Variants in CASKIN2 observed in about 807,000 individuals in gnomAD.
The protein encoded by CASKIN2 is CASK interacting protein 2, also known as caskin-2.
Under a neutral mutation model 107.1 loss-of-function variants are expected in CASKIN2, and 41 were observed. The observed-to-expected ratio is 0.38, with a 90% CI of 0.30 to 0.50. CASKIN2 has a LOEUF of 0.50. Ranked by LOEUF, CASKIN2 falls within the 20% of genes least tolerant of loss-of-function variation. The probability of loss-of-function intolerance (pLI) is 0.92; values close to 1 mark genes in which losing one functional copy is unlikely to be tolerated. For missense variants in CASKIN2, 1,546 were observed against 1,657.4 expected (o/e 0.93, Z 1.17); for synonymous variants, 724 against 705.6 (o/e 1.03, Z -0.41).
Position 75,501,070 on chromosome 17 carries a change from G to A in CASKIN2, c.*10C>T. The A allele has an allele frequency of 6.4e-7, 1 of 1,562,214 alleles. No homozygotes were observed. The highest frequency in any genetic ancestry group is 8.7e-7 in the Non-Finnish European group (1 of 1,153,428). Reference sequence around the variant, plus strand: ...ACTTCGGCAGGTCACAGTGGGCACTGCTGGAGGGCTCAGTCCAGCATGGCG... The same window carrying A: ...ACTTCGGCAGGTCACAGTGGGCACTACTGGAGGGCTCAGTCCAGCATGGCG... On this transcript the variant is annotated 3_prime_UTR_variant, in exon 20 of 20. Transcript: ENST00000321617.
Position 75,506,235 on chromosome 17 carries a change from C to A in CASKIN2, c.726+70G>T, listed in dbSNP as rs2053263869. ...CGCTGGAGTCCTCCGTCCCGTACCT[C>A]CCCAGCCAGTCAGGGGCACAGGGCA... On this transcript the variant is annotated intron_variant, in intron 8 of 19. Transcript: ENST00000321617. The surrounding 1 kb of genome is among the most constrained non-coding windows in gnomAD (Gnocchi z 4.8). The A allele has an allele frequency of 5.1e-6, 7 of 1,372,552 alleles. No individual in the cohort carries two copies. The highest frequency in any genetic ancestry group is 3.5e-5 in the Admixed American group (2 of 57,430). The allele number at this position is 1,372,552 out of a possible 1,614,324, so 85.0% of individuals were successfully genotyped here. A position where few individuals can be genotyped will look rare whatever the true frequency, so the allele number is the denominator to read the frequency against.
chr17:75,512,950 G>A (rs2053326936), intron 2 of CASKIN2, among the ~76,000 whole-genome samples: 1 of 151,574 alleles, frequency 6.6e-6, no homozygotes, highest in Non-Finnish European at 1.5e-5. Context: ...CACGAACATA[G>A]AGGTGCTCTG....
chr17:75,507,267 G>A (rs1198419390), intron 4 of CASKIN2, 138 bp from the exon 5 acceptor site: 2 of 1,045,328 alleles, frequency 1.9e-6, no homozygotes, highest in Non-Finnish European at 2.7e-6. Context: ...ATCCAGGTGT[G>A]CTTAGGAAGA....
At chr17:75,507,296 T>C (rs1002974123) in intron 4 of CASKIN2, among the ~76,000 whole-genome samples, 167 bp from the exon 5 acceptor site, 1 of 150,614 alleles carries the variant, frequency 6.6e-6, no homozygotes, top group Non-Finnish European at 1.5e-5. Flanking sequence ...TCGACAGGGC[T>C]GAAGCCAGAG....
At chr17:75,503,608 G>A (rs2053228645) in intron 16 of CASKIN2, 51 bp downstream of exon 16, 1 of 1,606,632 alleles carries the variant, frequency 6.2e-7, no homozygotes, top group African/African-American at 1.3e-5. Context: ...CAAAGCCACA[G>A]CTGAGGGTGA....
Position 75,502,384 on chromosome 17 carries a change from T to C in CASKIN2, c.2690A>G (p.Glu897Gly). The C allele has an allele frequency of 1.4e-6, 2 of 1,469,694 alleles. No individual in the cohort carries two copies. The highest frequency in any genetic ancestry group is 1.8e-6 in the Non-Finnish European group (2 of 1,112,118). The allele number at this position is 1,469,694 out of a possible 1,614,324, so 91.0% of individuals were successfully genotyped here. Residue 897 changes from glutamate to glycine, a missense_variant, in exon 18 of 20, where the codon GAA (glutamate) becomes GGA (glycine). Physicochemically the swap from Glu to Gly is moderately conservative, Grantham distance 98. Coordinates refer to ENST00000321617, the MANE Select transcript of CASKIN2 (RefSeq NM_020753.5). The surrounding 1 kb of genome is among the most constrained non-coding windows in gnomAD (Gnocchi z 4.3). ...PPLDESPGPK[E>G]GATGPRRRTL... is the part of the protein sequence containing the mutation. ...TCGCCTTCGGGGCCCTGTGGCCCCT[T>C]CCTTGGGCCCTGGGCTCTCATCTAG...
At position 75,505,529 on chromosome 17, in the gene CASKIN2, A is replaced by C. The variant is rs754574987; in HGVS notation, c.930+28T>G. 1.2e-6 allele frequency: 2 copies of C among 1,608,184 alleles called. No individual in the cohort carries two copies. Among genetic ancestry groups the C allele is most frequent in the Non-Finnish European group, 1.7e-6 (2 of 1,175,356 alleles). ...AGTAACAGCAATCATTTGTATTTGC[A>C]AAGGAATGCCTGCTTGGGGTCCCTC... On this transcript the variant is annotated intron_variant, in intron 10 of 19. Coordinates refer to ENST00000321617, the MANE Select transcript of CASKIN2 (RefSeq NM_020753.5). This position sits in a 1 kb window ranked among gnomAD's most constrained non-coding sequence, Gnocchi z 5.1.
rs758484423 is a variant in CASKIN2 at position 75,502,497 on chromosome 17, A to C, written c.2577T>G (p.Phe859Leu). ...GGCCTTTGCGCCGGGCCCGCAGGGC[A>C]AAGGACTGGCTGCGAGGAGTCCCCC... Reference protein sequence around the residue: ...PARGTPRSQSFALRARRKGPP... With the variant: ...PARGTPRSQSLALRARRKGPP... The change falls in exon 18 of 20, where the codon TTT (phenylalanine) becomes TTG (leucine). Residue 859 changes from phenylalanine (F) to leucine (L), a missense_variant. Physicochemically the swap from Phe to Leu is conservative, Grantham distance 22 (BLOSUM62 0). This residue lies in a region of CASKIN2 where 1,311 missense variants were observed against 1,311.0 expected (regional missense o/e 1.00). Coordinates refer to ENST00000321617, the MANE Select transcript of CASKIN2 (RefSeq NM_020753.5). The surrounding 1 kb of genome is among the most constrained non-coding windows in gnomAD (Gnocchi z 4.3). 2 of 1,463,806 alleles carry C rather than the reference A, an allele frequency of 1.4e-6. No homozygotes were observed. Among genetic ancestry groups the C allele is most frequent in the African/African-American group, 2.8e-5 (2 of 70,554 alleles). The allele number at this position is 1,463,806 out of a possible 1,614,324, so 90.7% of individuals were successfully genotyped here. A position where few individuals can be genotyped will look rare whatever the true frequency, so the allele number is the denominator to read the frequency against.
Position 75,503,494 on chromosome 17 carries a change from G to A in CASKIN2, c.1714C>T (p.Leu572=). The part of the protein sequence containing the change: ...DLLEWLCALG[L]PQYHKQLVSS... ...ACCAGCTGCTTGTGGTACTGTGGCA[G>A]CCCCAGTGCACACAGCCACTCCAGC... The change falls in exon 17 of 20, where the codon CTG becomes TTG. Residue 572 remains leucine (L), a synonymous_variant. Transcript: ENST00000321617. 6.2e-7 allele frequency: 1 copy of A among 1,611,946 alleles called. No individual in the cohort carries two copies. Among genetic ancestry groups the A allele is most frequent in the Non-Finnish European group, 8.5e-7 (1 of 1,179,826 alleles).
Position 75,503,456 on chromosome 17 carries a change from G to T in CASKIN2, c.1752C>A (p.Tyr584Ter). Reference protein sequence around the residue: ...QYHKQLVSSGYDSMGLVADLT... With the variant: ...QYHKQLVSSG The stretch of plus-strand genomic sequence containing the variant: ...GGTCGGCCACCAGCCCCATGGAGTC[G>T]TAGCCGCTGCTCACCAGCTGCTTGT... Residue 584 changes from tyrosine to a stop codon, truncating the protein, a stop_gained, in exon 17 of 20, where the codon TAC (tyrosine) becomes TAA (stop). Transcript: ENST00000321617. LOFTEE classifies it high-confidence loss of function. 1 of 1,612,766 alleles carries T rather than the reference G, an allele frequency of 6.2e-7. No homozygotes were observed.
chr17:75,503,101 G>A lies in CASKIN2; in HGVS notation c.1973C>T (p.Ala658Val). 6.2e-7 allele frequency: 1 copy of A among 1,607,656 alleles called. No homozygotes were observed. The highest frequency in any genetic ancestry group is 1.3e-5 in the African/African-American group (1 of 74,992). ...IEGLENGEGP[A>V]TAGPRLLTFQ... The stretch of plus-strand genomic sequence containing the variant: ...GGTGAGGAGCCGTGGGCCAGCTGTA[G>A]CTGGGCCTTCTCCGTTCTCCAGTCC... The change falls in exon 18 of 20, where the codon GCT becomes GTT. Residue 658 changes from alanine (A) to valine (V), a missense_variant. Around this residue, in one of 6 missense-constraint regions of CASKIN2, gnomAD observed 1,311 missense variants for 1,311.0 expected, o/e 1.00. Coordinates refer to ENST00000321617, the MANE Select transcript of CASKIN2 (RefSeq NM_020753.5).
At chr17:75,513,635 A>G (rs1296539788) in intron 2 of CASKIN2, 76 bp downstream of exon 2, 1 of 1,042,246 alleles carries the variant, frequency 9.6e-7, no homozygotes, top group Non-Finnish European at 1.5e-6. Context: ...GATCACAGTG[A>G]CCCACCCCCA....
At chr17:75,514,650 C>G (rs912131382) in intron 1 of CASKIN2, among the ~76,000 whole-genome samples, 2 of 152,222 alleles carry the variant, frequency 1.3e-5, no homozygotes, top group Non-Finnish European at 2.9e-5. Context: ...CACCAGCCCC[C>G]AGATTCCTCC....
Position 75,501,541 on chromosome 17 carries a change from CCA to C in CASKIN2, c.3443_3444del (p.Leu1148ArgfsTer37), listed in dbSNP as rs759315755. The C allele has an allele frequency of 1.2e-6, 2 of 1,612,544 alleles. No homozygotes were observed. Among genetic ancestry groups the C allele is most frequent in the South Asian group, 2.2e-5 (2 of 91,068 alleles). On this transcript the variant is annotated frameshift_variant, in exon 19 of 20. Coordinates refer to ENST00000321617, the MANE Select transcript of CASKIN2 (RefSeq NM_020753.5). LOFTEE classifies it high-confidence loss of function. ...GCTGCCAGGGACGAGCTGGTCTGCT[CCA>C]GTCTCTGCTGGGCCTGGCCTGGGCC... Reference protein sequence around the residue: ...TVGPGQAQQRLEQTSSSLAAA... With the variant: ...TVGPGQAQQRXEQTSSSLAAA...
Position 75,503,859 on chromosome 17 carries a change from G to A in CASKIN2, c.1571C>T (p.Thr524Ile). ...CCCGGCTGCAGCACCCACCTCAGGT[G>A]TCATGCGGCTGATGGTAGGCACATC... Reference protein sequence around the residue: ...GYDVPTISRMTPEDLTAIGVT... With the variant: ...GYDVPTISRMIPEDLTAIGVT... The change falls in exon 15 of 20, where the codon ACA becomes ATA. Residue 524 changes from threonine (T) to isoleucine (I), a missense_variant. By Grantham distance (89) the Thr-to-Ile change is moderately conservative (BLOSUM62 -1). Transcript: ENST00000321617. 2 of 1,612,696 alleles carry A rather than the reference G, an allele frequency of 1.2e-6. No homozygotes were observed. The highest frequency in any genetic ancestry group is 8.5e-7 in the Non-Finnish European group (1 of 1,179,886).
intron 3 of CASKIN2, 75 bp downstream of exon 3, chr17:75,508,159 T>A (rs1263427529): frequency 1.3e-6 from 2 of 1,511,430 alleles, no homozygotes; most frequent in Non-Finnish European, 1.8e-6. Context: ...TCAGGATCTT[T>A]CCCTCCAGCC....
At chr17:75,503,789 C>T (rs539813441) in intron 15 of CASKIN2, 29 bp from the exon 16 acceptor site, 2 of 1,610,664 alleles carry the variant, frequency 1.2e-6, no homozygotes, top group Non-Finnish European at 1.7e-6. Flanking sequence ...CCATCAGGCC[C>T]CTCCCCCGCC....
At position 75,502,838 on chromosome 17, in the gene CASKIN2, G is replaced by C; in HGVS notation, c.2236C>G (p.Leu746Val). Residue 746 changes from leucine (L) to valine (V), a missense_variant, in exon 18 of 20, where the codon CTT (leucine) becomes GTT (valine). By Grantham distance (32) the Leu-to-Val change is conservative. Transcript: ENST00000321617. This position sits in a 1 kb window ranked among gnomAD's most constrained non-coding sequence, Gnocchi z 4.3. ...TERPPKLCSSLPGQGPPPYVF... is the reference protein window; with the variant it reads ...TERPPKLCSSVPGQGPPPYVF... ...TAGGGTGGGGGTCCTTGGCCAGGAA[G>C]TGAAGAACAAAGCTTAGGGGGCCGC... The C allele has an allele frequency of 6.4e-7, 1 of 1,554,048 alleles. No homozygotes were observed. Among genetic ancestry groups the C allele is most frequent in the Non-Finnish European group, 8.7e-7 (1 of 1,150,088 alleles).
rs11868796 is a variant in CASKIN2 at position 75,506,138 on chromosome 17, G to T, written c.726+167C>A. Reference sequence around the variant, plus strand: ...GTGCCAATCAGGTTGGTCTGCCCCCGATCCATCTGCACCGCCTCGGCACCA... The same window carrying T: ...GTGCCAATCAGGTTGGTCTGCCCCCTATCCATCTGCACCGCCTCGGCACCA... On this transcript the variant is annotated intron_variant, in intron 8 of 19. Coordinates refer to ENST00000321617, the MANE Select transcript of CASKIN2 (RefSeq NM_020753.5). This position sits in a 1 kb window ranked among gnomAD's most constrained non-coding sequence, Gnocchi z 4.8. 0.17 allele frequency among the ~76,000 whole-genome samples: 25,352 copies of T among 152,048 alleles called. 3,227 individuals carry two copies. The highest frequency in any genetic ancestry group is 0.35 in the African/African-American group (14,621 of 41,412).
Sources: allele counts gnomAD v4.1 joint callset (sites outside exome capture counted in the v4.1 genomes callset), GRCh38; gene constraint gnomAD v4.1.1; regional missense constraint gnomAD v4.1.1; non-coding constraint Gnocchi (gnomAD v3.1); transcripts MANE v1.5; gene names NCBI Gene and HGNC (gene_info 2026-07-23, HGNC 2026-07-21).